The following SHISA9 variants were observed in gnomAD, a reference collection of about 807,000 sequenced individuals.
SHISA9 encodes the protein protein shisa-9.
SHISA9 carries 13 observed loss-of-function variants against 38.0 expected under a neutral mutation model. The observed-to-expected ratio is 0.34, with a 90% confidence interval of 0.22 to 0.54. The LOEUF is 0.54. Among genes scored for constraint, SHISA9 ranks in the 20% least tolerant of loss-of-function variants. The pLI is 0.91. For synonymous variants in SHISA9, 275 were observed against 242.0 expected, an observed-to-expected ratio of 1.14 and a Z score of -1.27; for missense variants, 538 against 575.8, an observed-to-expected ratio of 0.93 and a Z score of 0.67.
the SHISA9 span, among the ~76,000 whole-genome samples, chr16:13,559,547 T>G: frequency 6.6e-6 from 1 of 151,914 alleles, no homozygotes; most frequent in Non-Finnish European, 1.5e-5. Flanking sequence ...CTGGCTAATT[T>G]TATATATATA....
At chr16:13,016,962 T>C (rs1275910088) in intron 2 of SHISA9, among the ~76,000 whole-genome samples, 1 of 152,106 alleles carries the variant, frequency 6.6e-6, no homozygotes, top group Non-Finnish European at 1.5e-5. Context: ...TGTACATGTA[T>C]GCTGGGGTCT....
At chr16:13,104,733 C>A (rs528719276) in intron 2 of SHISA9, among the ~76,000 whole-genome samples, 1 of 151,942 alleles carries the variant, frequency 6.6e-6, no homozygotes, top group Non-Finnish European at 1.5e-5. Context: ...ATCATGGGGA[C>A]GTTTTGGGGG....
chr16:13,235,699 GC>G lies in SHISA9; in HGVS notation c.*293del. 2.6e-6 allele frequency: 1 copy of G among 387,376 alleles called. No individual in the cohort carries two copies. Among genetic ancestry groups the G allele is most frequent in the East Asian group, 4.2e-5 (1 of 23,986 alleles). 24.0% of individuals were successfully genotyped at this position (387,376 alleles called of 1,614,324 possible). A position where few individuals can be genotyped will look rare whatever the true frequency, so the allele number is the denominator to read the frequency against. On this transcript the variant is annotated 3_prime_UTR_variant, in exon 5 of 5. Transcript: ENST00000558583. ...CAGGCCCAAGATGGCCAACTCACATGCCCAAACCGTGGGGCTGAGTTTTCTT... is the reference window on the plus strand; with the variant it reads ...CAGGCCCAAGATGGCCAACTCACATGCCAAACCGTGGGGCTGAGTTTTCTT...
At chr16:13,363,304 G>A in the SHISA9 span, among the ~76,000 whole-genome samples, 1 of 152,194 alleles carries the variant, frequency 6.6e-6, no homozygotes, top group East Asian at 1.9e-4. Flanking sequence ...TTGAAGGAAA[G>A]GTTTTTCTTG....
rs372256944 is a variant in SHISA9, at chr16:13,196,396, C to CAAAA, written c.692-6987_692-6984dup. On this transcript the variant is annotated intron_variant, in intron 2 of 4. Coordinates refer to ENST00000558583, the MANE Select transcript of SHISA9 (RefSeq NM_001145204.3). Reference sequence around the variant, plus strand: ...TGGGCGACAGAGCGAGACTCCGTCTCAAAAAAAAAAAAAAGAAAGAAAAAA... The same window carrying CAAAA: ...TGGGCGACAGAGCGAGACTCCGTCTCAAAAAAAAAAAAAAAAAAGAAAGAAAAAA... 6.3e-3 allele frequency among the ~76,000 whole-genome samples: 638 copies of CAAAA among 101,366 alleles called. 15 individuals carry two copies. The highest frequency in any genetic ancestry group is 0.023 in the African/African-American group (582 of 25,530). The allele number at this position is 101,366 out of a possible 152,430, so 66.5% of individuals were successfully genotyped here. A position where few individuals can be genotyped will look rare whatever the true frequency, so the allele number is the denominator to read the frequency against.
At chr16:13,071,579 C>CCCTTCCTTCCTTCCTTCCTTCCTT (rs766277143) in intron 2 of SHISA9, among the ~76,000 whole-genome samples, 1 of 113,488 alleles carries the variant, frequency 8.8e-6, no homozygotes, top group African/African-American at 5.9e-5. Flanking sequence ...CTCCCTTCCT[C>CCCTTCCTTCCTTCCTTCCTTCCTT]CCTTCCTTCC....
At chr16:13,222,807 TATATACATACAC>T (rs1567254860) in intron 4 of SHISA9, among the ~76,000 whole-genome samples, 1 of 141,368 alleles carries the variant, frequency 7.1e-6, no homozygotes, top group African/African-American at 2.8e-5. Context: ...TATATATATA[TATATACATACAC>T]ACACCACAAG....
At chr16:13,506,162 A>G in the SHISA9 span, among the ~76,000 whole-genome samples, 1 of 152,184 alleles carries the variant, frequency 6.6e-6, no homozygotes, top group Non-Finnish European at 1.5e-5. Context: ...GTAACTATCA[A>G]TCTCCCTGGT....
intron 2 of SHISA9, among the ~76,000 whole-genome samples, chr16:12,997,592 G>T (rs1160366183): frequency 6.6e-6 from 1 of 151,860 alleles, no homozygotes; most frequent in Admixed American, 6.6e-5. Context: ...TTTTTGTAGA[G>T]ATAGGGTTTC....
intron 2 of SHISA9, among the ~76,000 whole-genome samples, chr16:13,189,327 A>G (rs2050860146): frequency 6.6e-6 from 1 of 152,238 alleles, no homozygotes. Context: ...AGGTGGCTCA[A>G]TGCTGAACCT....
chr16:12,909,427 T>C (rs552929695), intron 1 of SHISA9: 2 of 985,452 alleles, frequency 2.0e-6, no homozygotes, highest in East Asian at 1.1e-4. Flanking sequence ...AACACATAGA[T>C]TGGACATTGG....
At chr16:13,037,142 ACACACACACACACACT>A (rs2073083522) in intron 2 of SHISA9, among the ~76,000 whole-genome samples, 2 of 148,088 alleles carry the variant, frequency 1.4e-5, no homozygotes, top group African/African-American at 5.1e-5. Context: ...ACACACACAC[ACACACACACACACACT>A]GTTGGTCCCA....
intron 2 of SHISA9, among the ~76,000 whole-genome samples, chr16:12,970,359 A>ATG (rs1567356879): frequency 3.7e-4 from 30 of 80,570 alleles, no homozygotes; most frequent in Non-Finnish European, 6.2e-4. Flanking sequence ...ATGTGTATAT[A>ATG]TATATATATA....
chr16:13,528,683 A>G, the SHISA9 span, among the ~76,000 whole-genome samples: 4 of 152,208 alleles, frequency 2.6e-5, no homozygotes, highest in Non-Finnish European at 5.9e-5. Context: ...GCAGCAAGCC[A>G]TGTCCCCTGT....
At chr16:13,355,997 C>T in the SHISA9 span, among the ~76,000 whole-genome samples, 1 of 152,196 alleles carries the variant, frequency 6.6e-6, no homozygotes. Flanking sequence ...TGCGGGCATT[C>T]CTTGGCCCAG....
chr16:12,932,846 C>T (rs1411620278), intron 2 of SHISA9, among the ~76,000 whole-genome samples: 2 of 152,162 alleles, frequency 1.3e-5, no homozygotes, highest in Non-Finnish European at 2.9e-5. Context: ...GATTTGGAGG[C>T]CATATTCCAG....
the SHISA9 span, among the ~76,000 whole-genome samples, chr16:13,439,388 A>G: frequency 2.0e-5 from 3 of 152,188 alleles, no homozygotes; most frequent in East Asian, 5.8e-4. Flanking sequence ...ACACACACAT[A>G]ACTATGGAAT....
chr16:13,138,232 C>T (rs369844731), intron 2 of SHISA9, among the ~76,000 whole-genome samples: 2 of 152,148 alleles, frequency 1.3e-5, no homozygotes, highest in Non-Finnish European at 2.9e-5. Context: ...TCTGAGGCCT[C>T]ATCCCAGAGC....
intron 2 of SHISA9, among the ~76,000 whole-genome samples, chr16:13,150,551 A>G (rs1348296271): frequency 6.6e-6 from 1 of 152,194 alleles, no homozygotes; most frequent in Non-Finnish European, 1.5e-5. Flanking sequence ...TAGCTTTGCT[A>G]CCCAGAGTTT....
Sources: gnomAD v4.1 joint callset for allele counts (sites outside exome capture counted in the v4.1 genomes callset) on GRCh38, gnomAD v4.1.1 for gene constraint, MANE v1.5 for transcripts, NCBI Gene and HGNC (gene_info 2026-07-23, HGNC 2026-07-21) for gene names.